The following ICA1 variants were observed in gnomAD, a reference collection of about 807,000 sequenced individuals.
The protein encoded by ICA1 is 69 kDa islet cell autoantigen.
In ICA1, 40 loss-of-function variants were observed where a neutral mutation model predicts 71.0. The ratio of observed to expected loss-of-function variants is 0.56; its 90% confidence interval spans 0.44 to 0.73. ICA1 has a LOEUF of 0.73. Among genes scored for constraint, ICA1 ranks in the 30% least tolerant of loss-of-function variants. The probability of loss-of-function intolerance (pLI) is 0.00; values close to 1 mark genes in which losing one functional copy is unlikely to be tolerated. For missense variants in ICA1, 578 were observed against 576.5 expected (o/e 1.00, Z -0.03); for synonymous variants, 207 against 209.5 (o/e 0.99, Z 0.10).
intron 7 of ICA1, chr7:8,158,285 G>A: frequency 2.1e-6 from 1 of 478,886 alleles, no homozygotes; most frequent in South Asian, 2.9e-5. Flanking sequence ...AGGCACTCCA[G>A]GTAGAAGGGA....
At chr7:8,134,245 C>T (rs1403268302) in intron 12 of ICA1, among the ~76,000 whole-genome samples, 6 of 152,162 alleles carry the variant, frequency 3.9e-5, no homozygotes, top group African/African-American at 1.4e-4. Flanking sequence ...CCTGGGAGAA[C>T]ATTCCCTAGG....
intron 6 of ICA1, among the ~76,000 whole-genome samples, chr7:8,214,668 T>C (rs1794839528): frequency 6.6e-6 from 1 of 152,210 alleles, no homozygotes; most frequent in African/African-American, 2.4e-5. Flanking sequence ...ACTTAATAAA[T>C]GCTCTTAATG....
intron 6 of ICA1, among the ~76,000 whole-genome samples, chr7:8,168,550 A>G (rs2128226003): frequency 6.6e-6 from 1 of 152,264 alleles, no homozygotes; most frequent in African/African-American, 2.4e-5. Context: ...TGTGCACAAA[A>G]TGTTTAGATA....
chr7:8,159,177 T>C (rs1802782098), intron 6 of ICA1, among the ~76,000 whole-genome samples: 1 of 152,218 alleles, frequency 6.6e-6, no homozygotes. Flanking sequence ...CCTTTTTCTG[T>C]TCCAGGATCC....
intron 13 of ICA1, among the ~76,000 whole-genome samples, chr7:8,126,941 C>CCT (rs1203009829): frequency 6.6e-6 from 1 of 151,804 alleles, no homozygotes; most frequent in African/African-American, 2.4e-5. Context: ...GGTTGGTGTA[C>CCT]CTTGAACCCT....
At position 8,130,018 on chromosome 7, in the gene ICA1, T is replaced by TA. The variant is rs1027472614; in HGVS notation, c.1061-1877dup. Among the ~76,000 whole-genome samples, 3 of 152,068 alleles carry TA rather than the reference T, an allele frequency of 2.0e-5. No individual in the cohort carries two copies. Among genetic ancestry groups the TA allele is most frequent in the Non-Finnish European group, 4.4e-5 (3 of 67,996 alleles). Reference sequence around the variant, plus strand: ...TGGTTTCCAGCTTCATCCATGTCCCTACAAAGGACATGAACTCATCCTTTT... The same window carrying TA: ...TGGTTTCCAGCTTCATCCATGTCCCTAACAAAGGACATGAACTCATCCTTTT... On this transcript the variant is annotated intron_variant, in intron 12 of 13. Transcript: ENST00000402384. This position sits in a 1 kb window ranked among gnomAD's most constrained non-coding sequence, Gnocchi z 4.2.
intron 6 of ICA1, among the ~76,000 whole-genome samples, chr7:8,201,213 T>C (rs1195851312): frequency 6.6e-6 from 1 of 152,114 alleles, no homozygotes; most frequent in Non-Finnish European, 1.5e-5. Context: ...AAAAAGAAAG[T>C]TGTACTCTCC....
At chr7:8,248,214 A>G (rs1219692461) in intron 1 of ICA1, among the ~76,000 whole-genome samples, 1 of 152,168 alleles carries the variant, frequency 6.6e-6, no homozygotes, top group Non-Finnish European at 1.5e-5. Flanking sequence ...TGTTGGTTGG[A>G]GTACCAGCTG....
chr7:8,124,408 C>T (rs962848780), intron 13 of ICA1, among the ~76,000 whole-genome samples: 1 of 150,712 alleles, frequency 6.6e-6, no homozygotes, highest in Non-Finnish European at 1.5e-5. Flanking sequence ...CATGAGCCAC[C>T]GCGCCCAGCC....
intron 8 of ICA1, among the ~76,000 whole-genome samples, chr7:8,147,977 A>G (rs563505171): frequency 3.3e-5 from 5 of 152,142 alleles, no homozygotes; most frequent in Admixed American, 3.3e-4. Flanking sequence ...AGTCAGGTGA[A>G]TGTGCGATTC....
intron 13 of ICA1, among the ~76,000 whole-genome samples, chr7:8,115,958 G>C (rs754006626): frequency 1.2e-4 from 18 of 152,194 alleles, no homozygotes; most frequent in Admixed American, 2.0e-4. Flanking sequence ...TCATACCTTG[G>C]TATTTCCAAC....
intron 12 of ICA1, among the ~76,000 whole-genome samples, chr7:8,133,350 A>C (rs1792183275): frequency 1.3e-5 from 2 of 152,088 alleles, no homozygotes; most frequent in South Asian, 4.1e-4. Context: ...GCTGGAGTGC[A>C]GTGGTGCAAC....
chr7:8,204,298 T>G (rs537599834), intron 6 of ICA1, among the ~76,000 whole-genome samples: 13 of 152,358 alleles, frequency 8.5e-5, no homozygotes, highest in African/African-American at 3.1e-4. Flanking sequence ...AGAAGAGCAC[T>G]GACTCTAGAG....
chr7:8,256,470 A>T (rs933022791), intron 1 of ICA1, among the ~76,000 whole-genome samples: 3 of 152,032 alleles, frequency 2.0e-5, no homozygotes, highest in Non-Finnish European at 4.4e-5. Flanking sequence ...AGGACTTGAG[A>T]TGATTCTTTC....
At chr7:8,121,565 T>C (rs1283425179) in intron 13 of ICA1, among the ~76,000 whole-genome samples, 2 of 152,104 alleles carry the variant, frequency 1.3e-5, no homozygotes, top group Non-Finnish European at 2.9e-5. Context: ...ATTCAGTTCA[T>C]GGAAATAGAA....
chr7:8,123,547 T>G lies in ICA1; in HGVS notation c.1330+4326A>C, dbSNP rs1249767783. On this transcript the variant is annotated intron_variant, in intron 13 of 13. Coordinates refer to ENST00000402384, the MANE Select transcript of ICA1 (RefSeq NM_001136020.3). This position sits in a 1 kb window ranked among gnomAD's most constrained non-coding sequence, Gnocchi z 4.1. ...TGCAGCAGGAGTGTGCCAGAGCGAATGTAGCTGCTGGCACACAGGAACAAG... is the reference window on the plus strand; with the variant it reads ...TGCAGCAGGAGTGTGCCAGAGCGAAGGTAGCTGCTGGCACACAGGAACAAG... Among the ~76,000 whole-genome samples the G allele has an allele frequency of 2.6e-5, 4 of 152,152 alleles. No individual in the cohort carries two copies. The highest frequency in any genetic ancestry group is 9.7e-5 in the African/African-American group (4 of 41,424).
At chr7:8,212,317 C>A (rs1161918864) in intron 6 of ICA1, among the ~76,000 whole-genome samples, 1 of 152,220 alleles carries the variant, frequency 6.6e-6, no homozygotes, top group Admixed American at 6.5e-5. Context: ...GTACTCCCAG[C>A]ACTTTGGGAG....
At chr7:8,133,099 G>A (rs1001530795) in intron 12 of ICA1, among the ~76,000 whole-genome samples, 4 of 152,152 alleles carry the variant, frequency 2.6e-5, no homozygotes, top group Non-Finnish European at 5.9e-5. Context: ...TGAATTAATG[G>A]ATTATCATGG....
intron 13 of ICA1, among the ~76,000 whole-genome samples, chr7:8,124,358 A>G (rs1274529470): frequency 6.6e-6 from 1 of 151,336 alleles, no homozygotes; most frequent in Non-Finnish European, 1.5e-5. Context: ...TGACCTCATG[A>G]TCCGCCCACC....
Sources: gnomAD v4.1 joint callset for allele counts (sites outside exome capture counted in the v4.1 genomes callset) on GRCh38, gnomAD v4.1.1 for gene constraint, Gnocchi (gnomAD v3.1) non-coding constraint, MANE v1.5 for transcripts, NCBI Gene and HGNC (gene_info 2026-07-23, HGNC 2026-07-21) for gene names.